The following CHST11 variants were observed in gnomAD, a reference collection of about 807,000 sequenced individuals.
CHST11 encodes the protein carbohydrate sulfotransferase 11, also known as C4S-1.
A neutral mutation model predicts 30.4 loss-of-function variants in CHST11; 9 were observed. That is an observed-to-expected ratio of 0.30 (90% CI 0.18 to 0.52). The LOEUF (loss-of-function observed/expected upper bound fraction) is 0.52, where lower values mean the gene tolerates loss of function less well. Among genes scored for constraint, CHST11 ranks in the 20% least tolerant of loss-of-function variants. The pLI is 0.97. For synonymous variants in CHST11, 152 were observed against 187.8 expected (o/e 0.81, Z 1.56); for missense variants, 348 against 460.6 (o/e 0.76, Z 2.24).
intron 1 of CHST11, among the ~76,000 whole-genome samples, chr12:104,545,286 G>T (rs75011985): frequency 6.6e-6 from 1 of 152,234 alleles, no homozygotes; most frequent in East Asian, 1.9e-4. Flanking sequence ...CCAGCCCCAT[G>T]AGCTGCCTCA....
At chr12:104,621,572 C>T (rs1454801090) in intron 2 of CHST11, among the ~76,000 whole-genome samples, 1 of 152,134 alleles carries the variant, frequency 6.6e-6, no homozygotes, top group Non-Finnish European at 1.5e-5. Context: ...ATAAGGGAGG[C>T]AGGAGTGTCA....
intron 1 of CHST11, among the ~76,000 whole-genome samples, chr12:104,562,690 C>T (rs2038525247): frequency 6.6e-6 from 1 of 152,124 alleles, no homozygotes; most frequent in South Asian, 2.1e-4. Context: ...ATTATTAATC[C>T]AATCCTTATC....
intron 2 of CHST11, among the ~76,000 whole-genome samples, chr12:104,748,704 A>G (rs2040407575): frequency 6.6e-6 from 1 of 152,162 alleles, no homozygotes; most frequent in East Asian, 1.9e-4. Flanking sequence ...TTTAAATCCC[A>G]GCCTCCAGAA....
chr12:104,684,039 T>C (rs2039822500), intron 2 of CHST11, among the ~76,000 whole-genome samples: 1 of 152,144 alleles, frequency 6.6e-6, no homozygotes, highest in Non-Finnish European at 1.5e-5. Context: ...GCTGGCAGAA[T>C]AGTCAGCAGT....
intron 1 of CHST11, among the ~76,000 whole-genome samples, chr12:104,596,372 G>C (rs1156515918): frequency 2.6e-5 from 4 of 152,264 alleles, no homozygotes; most frequent in Non-Finnish European, 5.9e-5. Flanking sequence ...CCGAGTATTA[G>C]AGTTGTTTTG....
intron 1 of CHST11, among the ~76,000 whole-genome samples, chr12:104,518,445 A>G (rs2038046155): frequency 6.6e-6 from 1 of 152,150 alleles, no homozygotes; most frequent in South Asian, 2.1e-4. Flanking sequence ...AGAGGTTGTC[A>G]GTTGCCTTTG....
chr12:104,666,260 C>A (rs1727447948), intron 2 of CHST11, among the ~76,000 whole-genome samples: 2 of 152,184 alleles, frequency 1.3e-5, no homozygotes, highest in African/African-American at 4.8e-5. Context: ...TATAGGTTTT[C>A]TGTCCCTGAA....
At chr12:104,502,441 C>T (rs1026731818) in intron 1 of CHST11, among the ~76,000 whole-genome samples, 2 of 152,050 alleles carry the variant, frequency 1.3e-5, no homozygotes, top group African/African-American at 2.4e-5. Context: ...GTACATTTTT[C>T]GAGTACCCAT....
intron 1 of CHST11, among the ~76,000 whole-genome samples, chr12:104,521,939 C>G (rs1003704848): frequency 3.3e-5 from 5 of 152,122 alleles, no homozygotes; most frequent in African/African-American, 1.2e-4. Context: ...ATTGTTTGGC[C>G]TAGTTCCTGC....
chr12:104,535,255 G>C (rs988778774), intron 1 of CHST11, among the ~76,000 whole-genome samples: 9 of 152,206 alleles, frequency 5.9e-5, no homozygotes, highest in African/African-American at 1.9e-4. Flanking sequence ...TGGATTTCAG[G>C]GTGGAAGGAA....
At chr12:104,635,302 A>C (rs891865925) in intron 2 of CHST11, among the ~76,000 whole-genome samples, 4 of 152,244 alleles carry the variant, frequency 2.6e-5, no homozygotes, top group African/African-American at 9.6e-5. Flanking sequence ...ATTTTCAGGA[A>C]TAAAAAGTAC....
intron 1 of CHST11, among the ~76,000 whole-genome samples, chr12:104,489,137 A>G (rs1046754670): frequency 2.6e-5 from 4 of 151,714 alleles, no homozygotes; most frequent in African/African-American, 9.7e-5. Flanking sequence ...CCCAAGTTCA[A>G]GTGATTTTCC....
chr12:104,739,671 T>G (rs2040330601), intron 2 of CHST11, among the ~76,000 whole-genome samples: 1 of 152,216 alleles, frequency 6.6e-6, no homozygotes, highest in Non-Finnish European at 1.5e-5. Context: ...CTGTGAATAT[T>G]AATTGCTTGT....
intron 1 of CHST11, among the ~76,000 whole-genome samples, chr12:104,557,607 C>T (rs1243450604): frequency 6.6e-6 from 1 of 151,888 alleles, no homozygotes; most frequent in Non-Finnish European, 1.5e-5. Context: ...GTCAGGTGGG[C>T]AGGCCTTGCT....
chr12:104,539,364 T>G (rs1159716502), intron 1 of CHST11, among the ~76,000 whole-genome samples: 1 of 152,214 alleles, frequency 6.6e-6, no homozygotes, highest in Non-Finnish European at 1.5e-5. Context: ...CCACACCTAG[T>G]AGTTAGTGTT....
intron 1 of CHST11, among the ~76,000 whole-genome samples, chr12:104,595,418 C>G (rs887977505): frequency 6.6e-6 from 1 of 152,180 alleles, no homozygotes; most frequent in Non-Finnish European, 1.5e-5. Flanking sequence ...TGCTCCCCAC[C>G]CACCACACCT....
rs189952779 is a variant in CHST11 at position 104,565,392 on chromosome 12, G to A, written c.119-36514G>A. Among the ~76,000 whole-genome samples, 5 of 148,160 alleles carry A rather than the reference G, an allele frequency of 3.4e-5. No homozygotes were observed. In the East Asian group the frequency reaches 6.2e-4, roughly 18 times the overall value. ...AGCGATTCTCCTGCCTCAGCCTCCC[G>A]AGTAGCTGGGACTACAGGTACGTGC... On this transcript the variant is annotated intron_variant, in intron 1 of 2. Transcript: ENST00000303694.
At chr12:104,618,111 G>T (rs1409476698) in intron 2 of CHST11, among the ~76,000 whole-genome samples, 1 of 151,802 alleles carries the variant, frequency 6.6e-6, no homozygotes, top group Admixed American at 6.6e-5. Context: ...TTTTCACCAC[G>T]TTGGCCAGGC....
chr12:104,569,257 A>G (rs1438013694), intron 1 of CHST11, among the ~76,000 whole-genome samples: 1 of 152,224 alleles, frequency 6.6e-6, no homozygotes, highest in African/African-American at 2.4e-5. Context: ...CTAGGAATAG[A>G]GAACCCTCCT....
Sources: gnomAD v4.1 joint callset for allele counts (sites outside exome capture counted in the v4.1 genomes callset) on GRCh38, gnomAD v4.1.1 for gene constraint, MANE v1.5 for transcripts, NCBI Gene and HGNC (gene_info 2026-07-23, HGNC 2026-07-21) for gene names.